Variants in TMEM108 observed in about 807,000 individuals in gnomAD.
TMEM108 encodes cancer/testis antigen 124.
TMEM108 carries 12 observed loss-of-function variants against 35.1 expected under a neutral mutation model. That is an observed-to-expected ratio of 0.34 (90% confidence interval 0.22 to 0.55). The LOEUF is 0.55. Among genes scored for constraint, TMEM108 ranks in the 20% least tolerant of loss-of-function variants. The probability of loss-of-function intolerance (pLI) is 0.89; values close to 1 mark genes in which losing one functional copy is unlikely to be tolerated. For synonymous variants in TMEM108, 287 were observed against 308.6 expected (o/e 0.93, Z 0.73); for missense variants, 680 against 753.3 (o/e 0.90, Z 1.14).
intron 2 of TMEM108, among the ~76,000 whole-genome samples, chr3:133,085,964 A>G (rs1340468869): frequency 2.6e-5 from 4 of 152,066 alleles, no homozygotes; most frequent in Admixed American, 6.6e-5. Flanking sequence ...AGGGGTTTCT[A>G]TTTTTCACTA....
intron 3 of TMEM108, among the ~76,000 whole-genome samples, chr3:133,275,277 G>T (rs2107684666): frequency 6.6e-6 from 1 of 152,176 alleles, no homozygotes; most frequent in Middle Eastern, 3.4e-3. Context: ...AATCACATAT[G>T]TAATTCTTAA....
intron 3 of TMEM108, among the ~76,000 whole-genome samples, chr3:133,300,634 T>A (rs1036181274): frequency 6.6e-6 from 1 of 151,854 alleles, no homozygotes; most frequent in African/African-American, 2.4e-5. Context: ...AAGAAATGGG[T>A]AAGGCAGGGT....
At chr3:133,101,910 GGTT>G (rs1270839622) in intron 2 of TMEM108, among the ~76,000 whole-genome samples, 1 of 152,134 alleles carries the variant, frequency 6.6e-6, no homozygotes, top group Non-Finnish European at 1.5e-5. Context: ...AATTCTTCCA[GGTT>G]GTTATGATTT....
At chr3:133,220,491 T>C (rs888484569) in intron 2 of TMEM108, among the ~76,000 whole-genome samples, 3 of 152,204 alleles carry the variant, frequency 2.0e-5, no homozygotes, top group Non-Finnish European at 4.4e-5. Context: ...AGGTAATTAT[T>C]GATAAGGACT....
intron 3 of TMEM108, among the ~76,000 whole-genome samples, chr3:133,256,708 A>C (rs1946551676): frequency 6.6e-6 from 1 of 152,198 alleles, no homozygotes; most frequent in Non-Finnish European, 1.5e-5. Context: ...TAGAATAAGA[A>C]AGAAAAAACT....
intron 3 of TMEM108, among the ~76,000 whole-genome samples, chr3:133,252,925 T>G (rs1357973115): frequency 6.6e-6 from 1 of 152,216 alleles, no homozygotes; most frequent in East Asian, 1.9e-4. Context: ...TATAAAAGAC[T>G]TGAGCATTCA....
At chr3:133,212,027 A>T (rs931327904) in intron 2 of TMEM108, among the ~76,000 whole-genome samples, 3 of 152,184 alleles carry the variant, frequency 2.0e-5, no homozygotes, top group African/African-American at 7.2e-5. Context: ...CCTGAGTGAT[A>T]GCCTAGACTC....
chr3:133,314,744 T>A (rs560559797), intron 3 of TMEM108, among the ~76,000 whole-genome samples: 6 of 152,262 alleles, frequency 3.9e-5, no homozygotes, highest in African/African-American at 1.4e-4. Context: ...TGCCCAAAAG[T>A]CTATGGGACA....
At chr3:133,171,929 T>C (rs1945136072) in intron 2 of TMEM108, among the ~76,000 whole-genome samples, 1 of 152,144 alleles carries the variant, frequency 6.6e-6, no homozygotes, top group South Asian at 2.1e-4. Context: ...CAAGAATGAG[T>C]CTCTCACTTA....
At chr3:133,048,064 A>G (rs1943360965) in intron 2 of TMEM108, among the ~76,000 whole-genome samples, 3 of 152,148 alleles carry the variant, frequency 2.0e-5, no homozygotes, top group African/African-American at 7.2e-5. Context: ...TTGTGATAAT[A>G]TATTCTGGAT....
intron 4 of TMEM108, chr3:133,386,684 A>G: frequency 7.2e-7 from 1 of 1,396,504 alleles, no homozygotes; most frequent in Middle Eastern, 2.7e-4. Flanking sequence ...AAGCTTTTCA[A>G]CTAAATGGGA....
intron 3 of TMEM108, among the ~76,000 whole-genome samples, chr3:133,248,826 T>C (rs1288297424): frequency 6.6e-6 from 1 of 152,334 alleles, no homozygotes; most frequent in East Asian, 1.9e-4. Context: ...TGGATTATTA[T>C]AGCAACTGTG....
intron 2 of TMEM108, among the ~76,000 whole-genome samples, chr3:133,093,783 A>AT (rs373420625): frequency 0.016 from 2,395 of 152,230 alleles, 71 homozygotes; most frequent in African/African-American, 0.056. Context: ...TTGATATTTC[A>AT]TTTTTACTGT....
At chr3:133,196,145 A>G (rs1032310927) in intron 2 of TMEM108, among the ~76,000 whole-genome samples, 7 of 152,148 alleles carry the variant, frequency 4.6e-5, no homozygotes, top group African/African-American at 1.2e-4. Context: ...TCTTATGTCT[A>G]TGGCCTCCTT....
At chr3:133,070,297 G>A (rs1034551320) in intron 2 of TMEM108, among the ~76,000 whole-genome samples, 3 of 152,156 alleles carry the variant, frequency 2.0e-5, no homozygotes, top group Non-Finnish European at 4.4e-5. Flanking sequence ...CTGGTCTTGG[G>A]AGAGGAGGGC....
intron 3 of TMEM108, chr3:133,248,199 A>G (rs1424055849): frequency 2.0e-5 from 3 of 152,112 alleles, no homozygotes; most frequent in Non-Finnish European, 4.4e-5. Flanking sequence ...GACTGACGAT[A>G]ACAAGCCTTT....
At chr3:133,186,798 TC>T (rs1347183620) in intron 2 of TMEM108, among the ~76,000 whole-genome samples, 14 of 152,226 alleles carry the variant, frequency 9.2e-5, no homozygotes, top group Admixed American at 2.0e-4. Flanking sequence ...ATTTTAAATA[TC>T]ATATTGCTTC....
chr3:133,041,367 A>AC (rs1026389004), intron 1 of TMEM108, among the ~76,000 whole-genome samples: 31 of 151,634 alleles, frequency 2.0e-4, no homozygotes, highest in African/African-American at 7.0e-4. Context: ...GGCTCATGTC[A>AC]CCCCCCAGGG....
chr3:133,181,564 A>G (rs1248016106), intron 2 of TMEM108, among the ~76,000 whole-genome samples: 1 of 152,206 alleles, frequency 6.6e-6, no homozygotes, highest in Non-Finnish European at 1.5e-5. Context: ...GCCCAGACCC[A>G]GACAGAGATT....
Sources: gnomAD v4.1 joint callset for allele counts (sites outside exome capture counted in the v4.1 genomes callset) on GRCh38, gnomAD v4.1.1 for gene constraint, MANE v1.5 for transcripts, NCBI Gene and HGNC (gene_info 2026-07-23, HGNC 2026-07-21) for gene names.